The following TMEM132D variants were observed in gnomAD, a reference collection of about 807,000 sequenced individuals.
The protein encoded by TMEM132D is mature OL transmembrane protein.
TMEM132D carries 21 observed loss-of-function variants against 62.3 expected under a neutral mutation model. The ratio of observed to expected loss-of-function variants is 0.34; its 90% CI spans 0.24 to 0.49. The LOEUF (loss-of-function observed/expected upper bound fraction) is 0.49, where lower values mean the gene tolerates loss of function less well. TMEM132D is among the 20% of genes least tolerant of loss of function. The pLI is 0.99. For missense variants in TMEM132D, 1,346 were observed against 1,402.8 expected (o/e 0.96, Z 0.65); for synonymous variants, 621 against 575.6 (o/e 1.08, Z -1.13).
intron 2 of TMEM132D, among the ~76,000 whole-genome samples, chr12:129,624,138 T>C (rs1879151492): frequency 6.6e-6 from 1 of 152,206 alleles, no homozygotes; most frequent in Admixed American, 6.5e-5. Context: ...ACTACATAAG[T>C]CTCTCTGATC....
chr12:129,151,705 C>T (rs1391737628), intron 5 of TMEM132D, among the ~76,000 whole-genome samples: 1 of 152,168 alleles, frequency 6.6e-6, no homozygotes, highest in Admixed American at 6.5e-5. Flanking sequence ...CTTCTCATTA[C>T]CCGGCAGCTA....
chr12:129,161,231 C>T (rs1455323136), intron 5 of TMEM132D, among the ~76,000 whole-genome samples: 2 of 152,180 alleles, frequency 1.3e-5, no homozygotes, highest in South Asian at 2.1e-4. Context: ...AGACTGTGTA[C>T]ATATTTTGGG....
chr12:129,830,984 C>T (rs1872811153), intron 1 of TMEM132D, among the ~76,000 whole-genome samples: 1 of 152,162 alleles, frequency 6.6e-6, no homozygotes, highest in Admixed American at 6.5e-5. Context: ...TCCTCCCCTT[C>T]CCTCCCTCCT....
chr12:129,449,463 G>A (rs1873203350), intron 3 of TMEM132D, among the ~76,000 whole-genome samples: 1 of 152,212 alleles, frequency 6.6e-6, no homozygotes, highest in Non-Finnish European at 1.5e-5. Context: ...TGAGCCTGCA[G>A]AGCAGGAGTT....
intron 4 of TMEM132D, among the ~76,000 whole-genome samples, chr12:129,258,423 T>C (rs958906517): frequency 2.6e-5 from 4 of 152,218 alleles, no homozygotes; most frequent in Non-Finnish European, 5.9e-5. Flanking sequence ...TTCCAGTCTA[T>C]GCCTAGAAGT....
chr12:129,809,238 G>T lies in TMEM132D; in HGVS notation c.79+94023C>A, dbSNP rs1593170442. Among the ~76,000 whole-genome samples the T allele has an allele frequency of 2.0e-5, 3 of 151,340 alleles. No homozygotes were observed. In the East Asian group the frequency reaches 5.8e-4, roughly 30 times the overall value. On this transcript the variant is annotated intron_variant, in intron 1 of 8. Transcript: ENST00000422113. ...CAGGAGAATCGCTTGAACCCAGGAG[G>T]CAGAGGTTGCAGTGAGCTGAGATCA...
chr12:129,385,076 G>A (rs932207696), intron 3 of TMEM132D, among the ~76,000 whole-genome samples: 2 of 124,514 alleles, frequency 1.6e-5, no homozygotes, highest in Non-Finnish European at 3.3e-5. Context: ...ATTTTACACT[G>A]TTAAAGTTCT....
rs187659184 is a variant in TMEM132D at position 129,713,059 on chromosome 12, C to T, written c.80-12361G>A. On this transcript the variant is annotated intron_variant, in intron 1 of 8. Transcript: ENST00000422113. ...CCTAACCCTGACTTTAAGACAGAGT[C>T]CTATTTTGGGGAACTATGTTCAAGC... 2.6e-4 allele frequency among the ~76,000 whole-genome samples: 39 copies of T among 152,192 alleles called. No homozygotes were observed. In the East Asian group the frequency reaches 4.6e-3, roughly 18 times the overall value.
chr12:129,685,691 C>T (rs1449768861), intron 2 of TMEM132D, among the ~76,000 whole-genome samples: 1 of 152,168 alleles, frequency 6.6e-6, no homozygotes, highest in African/African-American at 2.4e-5. Flanking sequence ...AGAAGAAGAC[C>T]ACCAACAGCT....
rs531129067 is a variant in TMEM132D at position 129,897,571 on chromosome 12, T to TA, written c.79+5689dup. ...AGGTGGGGGAGGAGGAAAATAAAAA[T>TA]AAAAAAAACAAAAAAGAAGCTGACC... On this transcript the variant is annotated intron_variant, in intron 1 of 8. Transcript: ENST00000422113. 1.3e-3 allele frequency among the ~76,000 whole-genome samples: 198 copies of TA among 151,436 alleles called. 4 individuals are homozygous for TA. In the South Asian group the frequency reaches 0.03, roughly 23 times the overall value.
At chr12:129,632,068 A>G (rs1315557941) in intron 2 of TMEM132D, among the ~76,000 whole-genome samples, 4 of 152,258 alleles carry the variant, frequency 2.6e-5, no homozygotes, top group African/African-American at 9.6e-5. Flanking sequence ...GGAGCATTTT[A>G]CATAAATACG....
chr12:129,259,118 C>A (rs1193989642), intron 4 of TMEM132D, among the ~76,000 whole-genome samples: 2 of 152,184 alleles, frequency 1.3e-5, no homozygotes, highest in African/African-American at 4.8e-5. Flanking sequence ...TTTCAGCCGC[C>A]CTCAGTAAGG....
chr12:129,891,490 C>T (rs1026746279), intron 1 of TMEM132D, among the ~76,000 whole-genome samples: 5 of 152,176 alleles, frequency 3.3e-5, no homozygotes, highest in African/African-American at 1.2e-4. Context: ...TGACACTTGC[C>T]ATTGCTAAGA....
intron 3 of TMEM132D, among the ~76,000 whole-genome samples, chr12:129,380,462 TA>T (rs1870913289): frequency 6.6e-6 from 1 of 152,206 alleles, no homozygotes; most frequent in East Asian, 1.9e-4. Context: ...CTCTCAATTG[TA>T]ACATCTTCTA....
chr12:129,514,323 G>A (rs1322480537), intron 3 of TMEM132D, among the ~76,000 whole-genome samples: 1 of 151,994 alleles, frequency 6.6e-6, no homozygotes, highest in Non-Finnish European at 1.5e-5. Context: ...TAAACTAGTT[G>A]GAGCTGGATT....
intron 5 of TMEM132D, among the ~76,000 whole-genome samples, chr12:129,204,729 A>G (rs1254297842): frequency 6.6e-6 from 1 of 152,226 alleles, no homozygotes; most frequent in Non-Finnish European, 1.5e-5. Flanking sequence ...CAATCATCAG[A>G]TTCTCCAAGG....
Position 129,893,319 on chromosome 12 carries a change from C to T in TMEM132D, c.79+9942G>A, listed in dbSNP as rs574375052. On this transcript the variant is annotated intron_variant, in intron 1 of 8. Coordinates refer to ENST00000422113, the MANE Select transcript of TMEM132D (RefSeq NM_133448.3). The stretch of plus-strand genomic sequence containing the variant: ...TGAAAGTACAACATTTAGAACCCTG[C>T]CTTGCCTAAATGAGCATTCGATCAA... Among the ~76,000 whole-genome samples the T allele has an allele frequency of 4.3e-4, 65 of 152,226 alleles. No individual in the cohort carries two copies. The South Asian group carries it at 7.7e-3, about 18-fold the overall frequency.
chr12:129,213,191 A>G (rs1177350257), intron 4 of TMEM132D, among the ~76,000 whole-genome samples: 2 of 152,158 alleles, frequency 1.3e-5, no homozygotes, highest in South Asian at 2.1e-4. Context: ...GTTCATTTGT[A>G]TTGCTATAAA....
chr12:129,702,733 T>C (rs565032715), intron 1 of TMEM132D, among the ~76,000 whole-genome samples: 4 of 152,360 alleles, frequency 2.6e-5, no homozygotes, highest in African/African-American at 9.6e-5. Flanking sequence ...CAAGGCTTTT[T>C]TCTCTGCTGT....
Sources: gnomAD v4.1 joint callset for allele counts (sites outside exome capture counted in the v4.1 genomes callset) on GRCh38, gnomAD v4.1.1 for gene constraint, MANE v1.5 for transcripts, NCBI Gene and HGNC (gene_info 2026-07-23, HGNC 2026-07-21) for gene names.